The following ARSG variants were observed in gnomAD, a reference collection of about 807,000 sequenced individuals.
ARSG encodes the protein arylsulfatase G, also known as ASG.
ARSG carries 37 observed loss-of-function variants against 50.5 expected under a neutral mutation model. The observed-to-expected ratio is 0.73, with a 90% CI of 0.56 to 0.96. The LOEUF is 0.96. Ranked by LOEUF, ARSG falls within the 50% of genes least tolerant of loss-of-function variation. The pLI, the probability that ARSG is intolerant of heterozygous loss-of-function variation, is 0.00. For synonymous variants in ARSG, 225 were observed against 254.6 expected (o/e 0.88, Z 1.11); for missense variants, 629 against 675.3 (o/e 0.93, Z 0.76).
intron 9 of ARSG, among the ~76,000 whole-genome samples, chr17:68,392,789 C>T (rs754326175): frequency 3.3e-5 from 5 of 152,200 alleles, no homozygotes; most frequent in South Asian, 2.1e-4. Context: ...CGTGAGGCAC[C>T]GCACCTGGCC....
At chr17:68,289,791 C>T (rs916806355), upstream of ARSG, among the ~76,000 whole-genome samples, 1 of 152,156 alleles carries the variant, frequency 6.6e-6, no homozygotes, top group African/African-American at 2.4e-5. Context: ...TGAGGAAAGT[C>T]CTTTTTCGGA....
chr17:68,401,257 A>G (rs1341866214), intron 10 of ARSG, 103 bp from the exon 11 acceptor site: 3 of 1,007,864 alleles, frequency 3.0e-6, no homozygotes, highest in Non-Finnish European at 4.6e-6. Context: ...TCCTGGGCTC[A>G]AGTGATCCTC....
intron 1 of ARSG, among the ~76,000 whole-genome samples, chr17:68,301,065 C>T (rs894122103): frequency 6.6e-6 from 1 of 151,632 alleles, no homozygotes; most frequent in Non-Finnish European, 1.5e-5. Flanking sequence ...TTGCAGTGAG[C>T]CGAGATCGCA....
intron 2 of ARSG, among the ~76,000 whole-genome samples, chr17:68,322,253 G>A (rs990524408): frequency 6.6e-6 from 1 of 152,190 alleles, no homozygotes; most frequent in Non-Finnish European, 1.5e-5. Flanking sequence ...GCTGTGCTTG[G>A]GGCTGGAGTT....
At position 68,415,867 on chromosome 17, in the gene ARSG, A is replaced by G. The variant is rs115571022; in HGVS notation, c.1304-4322A>G. Among the ~76,000 whole-genome samples, 797 of 152,296 alleles carry G rather than the reference A, an allele frequency of 5.2e-3. 6 individuals carry two copies. Among genetic ancestry groups the G allele is most frequent in the African/African-American group, 0.018 (746 of 41,560 alleles). On this transcript the variant is annotated intron_variant, in intron 11 of 11. Coordinates refer to ENST00000621439, the MANE Select transcript of ARSG (RefSeq NM_001267727.2). The stretch of plus-strand genomic sequence containing the variant: ...TACTTTTGGTGTTCATTTGCATGAA[A>G]TATCTTTTTCTACCCCTTTACTTTA...
chr17:68,381,990 G>A lies in ARSG; in HGVS notation c.983-3074G>A, dbSNP rs35025975. On this transcript the variant is annotated intron_variant, in intron 8 of 11. Coordinates refer to ENST00000621439, the MANE Select transcript of ARSG (RefSeq NM_001267727.2). This position sits in a 1 kb window ranked among gnomAD's most constrained non-coding sequence, Gnocchi z 4.1. ...TTTTTTTTTTGACAGAGTCTCTGTC[G>A]TGCAGGCTGGAGTGAAGTGGCTCAA... is the stretch of plus-strand genomic sequence containing the variant. Among the ~76,000 whole-genome samples, 15,418 of 147,790 alleles carry A rather than the reference G, an allele frequency of 0.1. 914 individuals are homozygous for A. Among genetic ancestry groups the A allele is most frequent in the Admixed American group, 0.17 (2,468 of 14,586 alleles).
At chr17:68,388,866 T>C (rs150387427) in intron 9 of ARSG, among the ~76,000 whole-genome samples, 9,428 of 145,892 alleles carry the variant, frequency 0.065, 638 homozygotes, top group African/African-American at 0.17. Flanking sequence ...CGGAGGTTGC[T>C]GTGAGCCGAG....
rs754377407 is a variant in ARSG at position 68,378,435 on chromosome 17, G to A, written c.983-6629G>A. ...AGCTCAGCTGATGGGATGAGGCAGC[G>A]TCTCCTGGAGTCATCTTTTCACCCC... On this transcript the variant is annotated intron_variant, in intron 8 of 11. Coordinates refer to ENST00000621439, the MANE Select transcript of ARSG (RefSeq NM_001267727.2). This position sits in a 1 kb window ranked among gnomAD's most constrained non-coding sequence, Gnocchi z 4.4. 1.3e-5 allele frequency among the ~76,000 whole-genome samples: 2 copies of A among 152,304 alleles called. No individual in the cohort carries two copies. Among genetic ancestry groups the A allele is most frequent in the Middle Eastern group, 3.4e-3 (1 of 294 alleles).
In ARSG at chr17:68,381,644, A is replaced by G. The variant is rs2080438298; in HGVS notation, c.983-3420A>G. On this transcript the variant is annotated intron_variant, in intron 8 of 11. Transcript: ENST00000621439. The surrounding 1 kb of genome is among the most constrained non-coding windows in gnomAD (Gnocchi z 4.1). Reference sequence around the variant, plus strand: ...CAGAAAGCCTGCAGTGACGATGACTATTAGCTACATTTAACTTTGAAACGT... The same window carrying G: ...CAGAAAGCCTGCAGTGACGATGACTGTTAGCTACATTTAACTTTGAAACGT... Among the ~76,000 whole-genome samples, 1 of 152,210 alleles carries G rather than the reference A, an allele frequency of 6.6e-6. No individual in the cohort carries two copies. Among genetic ancestry groups the G allele is most frequent in the South Asian group, 2.1e-4 (1 of 4,830 alleles).
chr17:68,264,078 G>A (rs1376740683), intron 1 of ARSG, among the ~76,000 whole-genome samples: 1 of 152,030 alleles, frequency 6.6e-6, no homozygotes, highest in East Asian at 1.9e-4. Context: ...GGCTGGTCTC[G>A]AACTCCTGAC....
rs1056515923 is a variant in ARSG, at chr17:68,356,687, A to C, written c.587A>C (p.Tyr196Ser). The change falls in exon 6 of 12, where the codon TAC becomes TCC. Residue 196 changes from tyrosine (Y) to serine (S), a missense_variant. Tyr to Ser is a moderately radical substitution (Grantham distance 144, BLOSUM62 -2). Coordinates refer to ENST00000621439, the MANE Select transcript of ARSG (RefSeq NM_001267727.2). ...CACAGGAACCTTCAAAGAGACTGTT[A>C]CACTGACGTGGCCCTCCCTCTTTAT... The part of the protein sequence containing the change: ...GPSRNLQRDC[Y>S]TDVALPLYEN... 6.2e-7 allele frequency: 1 copy of C among 1,614,226 alleles called. No individual in the cohort carries two copies. The highest frequency in any genetic ancestry group is 1.3e-5 in the African/African-American group (1 of 75,058).
At chr17:68,382,836 G>A (rs2146973890) in intron 8 of ARSG, among the ~76,000 whole-genome samples, 1 of 152,278 alleles carries the variant, frequency 6.6e-6, no homozygotes, top group South Asian at 2.1e-4. Context: ...GTGATCATTT[G>A]GGTGGCTGGC....
chr17:68,286,522 T>A (rs2075845686), upstream of ARSG, among the ~76,000 whole-genome samples: 1 of 152,194 alleles, frequency 6.6e-6, no homozygotes, highest in Admixed American at 6.5e-5. Flanking sequence ...TTAATTTTTT[T>A]GAGATGGAGT....
chr17:68,386,445 A>G (rs1326590144), intron 9 of ARSG, among the ~76,000 whole-genome samples: 2 of 152,176 alleles, frequency 1.3e-5, no homozygotes, highest in Non-Finnish European at 2.9e-5. Context: ...GGAGAGACTC[A>G]AAGTCCAGGG....
intron 8 of ARSG, among the ~76,000 whole-genome samples, chr17:68,375,579 C>T (rs539066094): frequency 6.6e-6 from 1 of 152,288 alleles, no homozygotes; most frequent in East Asian, 1.9e-4. Context: ...AATTAAAATT[C>T]AATTCCTTGG....
chr17:68,332,141 G>A (rs140987277), intron 2 of ARSG, among the ~76,000 whole-genome samples: 195 of 152,268 alleles, frequency 1.3e-3, no homozygotes, highest in African/African-American at 4.5e-3. Context: ...ATGTACAACC[G>A]TGAAAGACAG....
chr17:68,428,792 T>C, the ARSG span: 8 of 1,521,518 alleles, frequency 5.3e-6, no homozygotes, highest in African/African-American at 1.1e-4. Flanking sequence ...CACGACCAGC[T>C]CTCGAAAGGC....
chr17:68,334,940 G>A (rs992438591), intron 2 of ARSG, among the ~76,000 whole-genome samples: 1 of 152,084 alleles, frequency 6.6e-6, no homozygotes, highest in Non-Finnish European at 1.5e-5. Flanking sequence ...CAAGGGGAGG[G>A]GACATAGACC....
At chr17:68,400,124 T>C (rs146743929) in intron 10 of ARSG, 10 of 152,352 alleles carry the variant, frequency 6.6e-5, no homozygotes, top group Middle Eastern at 3.4e-3. Flanking sequence ...TTTCTCATTT[T>C]TTTCTTAAGT....
Sources: gnomAD v4.1 joint callset for allele counts (sites outside exome capture counted in the v4.1 genomes callset) on GRCh38, gnomAD v4.1.1 for gene constraint, Gnocchi (gnomAD v3.1) non-coding constraint, MANE v1.5 for transcripts, NCBI Gene and HGNC (gene_info 2026-07-23, HGNC 2026-07-21) for gene names.